Variants in RCBTB1 observed in about 807,000 individuals in gnomAD.
RCBTB1 encodes RCC1 and BTB domain containing protein 1.
RCBTB1 carries 46 observed loss-of-function variants against 62.4 expected under a neutral mutation model. That is an observed-to-expected ratio of 0.74 (90% CI 0.58 to 0.94). The LOEUF (loss-of-function observed/expected upper bound fraction) is 0.94. Among genes scored for constraint, RCBTB1 ranks in the 40% least tolerant of loss-of-function variants. RCBTB1 has a pLI of 0.00. For synonymous variants in RCBTB1, 222 were observed against 245.8 expected (o/e 0.90, Z 0.91); for missense variants, 565 against 654.9 (o/e 0.86, Z 1.50).
chr13:49,585,181 GA>G (rs879846167), intron 1 of RCBTB1, among the ~76,000 whole-genome samples: 14 of 152,200 alleles, frequency 9.2e-5, no homozygotes, highest in Non-Finnish European at 1.6e-4. Flanking sequence ...GGGAGGCAGG[GA>G]AAACTTTCCC....
chr13:49,553,599 C>T (rs765739804), intron 6 of RCBTB1, among the ~76,000 whole-genome samples: 12 of 152,150 alleles, frequency 7.9e-5, no homozygotes, highest in Non-Finnish European at 1.6e-4. Flanking sequence ...AAAGTACTGA[C>T]CAGGAACAAA....
At chr13:49,546,889 G>A in intron 9 of RCBTB1, 1 of 940,380 alleles carries the variant, frequency 1.1e-6, no homozygotes, top group South Asian at 4.9e-5. Flanking sequence ...ACAGGCATAT[G>A]GCCTGGGGTG....
At chr13:49,582,473 G>A (rs1964160381) in intron 1 of RCBTB1, among the ~76,000 whole-genome samples, 1 of 151,928 alleles carries the variant, frequency 6.6e-6, no homozygotes, top group Non-Finnish European at 1.5e-5. Context: ...GGCAACAAAA[G>A]CAAAATTCTG....
Position 49,541,844 on chromosome 13 carries a change from A to T in RCBTB1, c.1173-17T>A. The T allele has an allele frequency of 2.5e-6, 4 of 1,590,742 alleles. No homozygotes were observed. Among genetic ancestry groups the T allele is most frequent in the Non-Finnish European group, 3.4e-6 (4 of 1,172,892 alleles). On this transcript the variant is annotated splice_polypyrimidine_tract_variant and intron_variant, in intron 10 of 12. Coordinates refer to ENST00000378302, the MANE Select transcript of RCBTB1 (RefSeq NM_018191.4). Reference sequence around the variant, plus strand: ...TGCTCACACCTAAAACAGCAAAGCAAAAGTCTTATTTGTTCAGCAGCAATT... The same window carrying T: ...TGCTCACACCTAAAACAGCAAAGCATAAGTCTTATTTGTTCAGCAGCAATT...
In RCBTB1 at chr13:49,534,054, G is replaced by C. The variant is rs371171861; in HGVS notation, c.*68C>G. The C allele has an allele frequency of 2.0e-6, 3 of 1,514,820 alleles. No homozygotes were observed. The highest frequency in any genetic ancestry group is 2.7e-6 in the Non-Finnish European group (3 of 1,117,710). The allele number at this position is 1,514,820 out of a possible 1,614,324, so 93.8% of individuals were successfully genotyped here. On this transcript the variant is annotated 3_prime_UTR_variant, in exon 13 of 13. Transcript: ENST00000378302. ...TACCTGCAGAATCACATCACCCGTA[G>C]AGCACAAACTGGACACATCCTCAAC...
chr13:49,538,441 T>A (rs1038648137), intron 12 of RCBTB1, among the ~76,000 whole-genome samples: 1 of 152,212 alleles, frequency 6.6e-6, no homozygotes, highest in African/African-American at 2.4e-5. Context: ...CCTGGCGCAG[T>A]GGCTCATGCC....
rs181298768 is a variant in RCBTB1, at chr13:49,565,068, G to A, written c.277+1550C>T. Among the ~76,000 whole-genome samples, 506 of 152,252 alleles carry A rather than the reference G, an allele frequency of 3.3e-3. 4 individuals carry two copies. Among genetic ancestry groups the A allele is most frequent in the Admixed American group, 0.017 (267 of 15,286 alleles). On this transcript the variant is annotated intron_variant, in intron 4 of 12. Coordinates refer to ENST00000378302, the MANE Select transcript of RCBTB1 (RefSeq NM_018191.4). ...CACGGTCTCCCTCTGATGCCGAGCC[G>A]AAGCTGGACTGTACTGCTGCCATCT...
chr13:49,568,624 T>C (rs1218187471), intron 2 of RCBTB1, among the ~76,000 whole-genome samples: 1 of 135,746 alleles, frequency 7.4e-6, no homozygotes, highest in African/African-American at 2.9e-5. Context: ...TGGAGTTGGA[T>C]GTCACTTAAA....
chr13:49,547,859 G>C (rs1332369093), intron 9 of RCBTB1, among the ~76,000 whole-genome samples: 1 of 152,178 alleles, frequency 6.6e-6, no homozygotes, highest in African/African-American at 2.4e-5. Flanking sequence ...TGCGACCACA[G>C]TTCACTGCAG....
At chr13:49,560,144 C>A (rs1472597078) in intron 4 of RCBTB1, 60 bp from the exon 5 acceptor site, 2 of 1,572,146 alleles carry the variant, frequency 1.3e-6, no homozygotes, top group Non-Finnish European at 1.7e-6. Context: ...CCTGTACTTT[C>A]TTCCCCAGAA....
Position 49,549,558 on chromosome 13 carries a change from A to C in RCBTB1, c.945T>G (p.Gly315=), listed in dbSNP as rs1285084557. The C allele has an allele frequency of 5.0e-6, 8 of 1,613,790 alleles. No individual in the cohort carries two copies. Among genetic ancestry groups the C allele is most frequent in the Non-Finnish European group, 5.9e-6 (7 of 1,179,974 alleles). Reference sequence around the variant, plus strand: ...TGAGGTGCGGGAGGATCACGGACTGACCCCGGCACTGGCCCCACATGTACA... The same window carrying C: ...TGAGGTGCGGGAGGATCACGGACTGCCCCCGGCACTGGCCCCACATGTACA... The part of the protein sequence containing the change: ...GHVYMWGQCR[G]QSVILPHLTH... The change falls in exon 9 of 13, where the codon GGT becomes GGG. Residue 315 remains glycine, a synonymous_variant. Transcript: ENST00000378302.
chr13:49,569,939 A>C (rs1437168314), intron 2 of RCBTB1, among the ~76,000 whole-genome samples: 1 of 152,072 alleles, frequency 6.6e-6, no homozygotes, highest in Non-Finnish European at 1.5e-5. Context: ...AAAAAGGAAC[A>C]AGATGCCCCT....
At position 49,566,684 on chromosome 13, in the gene RCBTB1, A is replaced by G; in HGVS notation, c.211T>C (p.Leu71=). 2 of 1,614,162 alleles carry G rather than the reference A, an allele frequency of 1.2e-6. No homozygotes were observed. Among genetic ancestry groups the G allele is most frequent in the Non-Finnish European group, 1.7e-6 (2 of 1,180,006 alleles). The change falls in exon 4 of 13, where the codon TTA becomes CTA. Residue 71 remains leucine, a synonymous_variant. Coordinates refer to ENST00000378302, the MANE Select transcript of RCBTB1 (RefSeq NM_018191.4). ...STLVPKKLEG[L]CGKKIKSLSY... ...AGGCTTTTAATCTTCTTTCCACATA[A>G]GCCTTCTAGCTTTTTGGGTACAAGT...
chr13:49,545,346 C>T (rs1055030496), intron 9 of RCBTB1, among the ~76,000 whole-genome samples: 2 of 152,144 alleles, frequency 1.3e-5, no homozygotes, highest in Non-Finnish European at 2.9e-5. Context: ...CGGTCATGTT[C>T]TCAAGCAGAG....
At chr13:49,537,260 T>A (rs1283467188) in intron 12 of RCBTB1, among the ~76,000 whole-genome samples, 1 of 152,248 alleles carries the variant, frequency 6.6e-6, no homozygotes, top group Non-Finnish European at 1.5e-5. Flanking sequence ...CAGTCTATAA[T>A]TCATGTTATA....
intron 8 of RCBTB1, among the ~76,000 whole-genome samples, chr13:49,550,706 A>G (rs2139176589): frequency 6.6e-6 from 1 of 152,352 alleles, no homozygotes; most frequent in Middle Eastern, 3.4e-3. Flanking sequence ...TGCAGTAATT[A>G]TACCAAGATG....
At chr13:49,563,593 A>C (rs527347329) in intron 4 of RCBTB1, among the ~76,000 whole-genome samples, 1 of 152,158 alleles carries the variant, frequency 6.6e-6, no homozygotes, top group Non-Finnish European at 1.5e-5. Flanking sequence ...CAGGAGGCTG[A>C]TGTTACAGTG....
intron 2 of RCBTB1, among the ~76,000 whole-genome samples, chr13:49,572,011 T>C (rs1421024224): frequency 1.3e-5 from 2 of 151,988 alleles, no homozygotes; most frequent in Admixed American, 6.6e-5. Context: ...ACTTAAGAAC[T>C]GTGCGGTTAA....
chr13:49,539,341 T>C lies in RCBTB1; in HGVS notation c.1455+1535A>G, dbSNP rs532119074. On this transcript the variant is annotated intron_variant, in intron 12 of 12. Coordinates refer to ENST00000378302, the MANE Select transcript of RCBTB1 (RefSeq NM_018191.4). ...AAGTTTTTATCATGTTTATACTTAA[T>C]ATGAGAAAAATGAAAACTAGTAAAG... 7 of 152,346 alleles carry C rather than the reference T, an allele frequency of 4.6e-5. No individual in the cohort carries two copies. In the East Asian group the frequency reaches 1.3e-3, roughly 29 times the overall value. 9.4% of individuals were successfully genotyped at this position (152,346 alleles called of 1,614,324 possible).
Sources: gnomAD v4.1 joint callset for allele counts (sites outside exome capture counted in the v4.1 genomes callset) on GRCh38, gnomAD v4.1.1 for gene constraint, MANE v1.5 for transcripts, NCBI Gene and HGNC (gene_info 2026-07-23, HGNC 2026-07-21) for gene names.